The following USF3 variants were observed in gnomAD, a reference collection of about 807,000 sequenced individuals.
USF3 encodes the protein upstream transcription factor family member 3, also known as basic helix-loop-helix domain-containing protein USF3.
USF3 carries 29 observed loss-of-function variants against 157.5 expected under a neutral mutation model. The ratio of observed to expected loss-of-function variants is 0.18; its 90% confidence interval spans 0.14 to 0.25. USF3 has a LOEUF of 0.25. Among genes scored for constraint, USF3 ranks in the 10% least tolerant of loss-of-function variants. The pLI is 1.00. For synonymous variants in USF3, 893 were observed against 941.4 expected, an observed-to-expected ratio of 0.95 and a Z score of 0.94; for missense variants, 2,381 against 2,667.6, an observed-to-expected ratio of 0.89 and a Z score of 2.37.
intron 5 of USF3, among the ~76,000 whole-genome samples, chr3:113,664,796 C>T (rs1947538738): frequency 6.6e-6 from 1 of 152,140 alleles, no homozygotes; most frequent in Admixed American, 6.5e-5. Context: ...TATGTCTAAA[C>T]CCTTATCCCC....
At position 113,649,374 on chromosome 3, in the gene USF3, G is replaced by T; in HGVS notation, c.*5570C>A. ...ACCCAAGTTGGCTCACGTTTATGAA[G>T]CATCTGACCACATACGCGTGCCAGA... On this transcript the variant is annotated 3_prime_UTR_variant, in exon 7 of 7. Coordinates refer to ENST00000316407, the MANE Select transcript of USF3 (RefSeq NM_001009899.4). 6.5e-6 allele frequency: 1 copy of T among 154,768 alleles called. No individual in the cohort carries two copies. Among genetic ancestry groups the T allele is most frequent in the Middle Eastern group, 3.3e-3 (1 of 304 alleles). 9.6% of individuals were successfully genotyped at this position (154,768 alleles called of 1,614,324 possible). A position where few individuals can be genotyped will look rare whatever the true frequency, so the allele number is the denominator to read the frequency against.
intron 5 of USF3, 59 bp from the exon 6 acceptor site, chr3:113,664,468 TG>T: frequency 1.1e-6 from 1 of 887,072 alleles, no homozygotes; most frequent in Non-Finnish European, 1.8e-6. Context: ...ACTTGCCAGA[TG>T]AAACTTTAAG....
intron 1 of USF3, among the ~76,000 whole-genome samples, chr3:113,682,959 T>TC: frequency 6.6e-6 from 1 of 151,646 alleles, no homozygotes; most frequent in African/African-American, 2.4e-5. Context: ...AGCATTTAGC[T>TC]CATTTACATT....
chr3:113,680,053 C>CTTTTTTTTTTTTTTTTTTTTT (rs71131103), intron 1 of USF3, among the ~76,000 whole-genome samples: 15 of 58,636 alleles, frequency 2.6e-4, no homozygotes, highest in Admixed American at 4.9e-4. Flanking sequence ...CTGTAGTTTT[C>CTTTTTTTTTTTTTTTTTTTTT]TTTTTTTTTT....
chr3:113,682,275 T>C (rs1707450586), intron 1 of USF3, among the ~76,000 whole-genome samples: 1 of 151,898 alleles, frequency 6.6e-6, no homozygotes, highest in African/African-American at 2.4e-5. Flanking sequence ...CAGTGAGCCA[T>C]GATCGTGCCA....
At chr3:113,692,771 AAAGATCTGGCCTTCTG>A (rs1707712505) in intron 1 of USF3, among the ~76,000 whole-genome samples, 1 of 152,216 alleles carries the variant, frequency 6.6e-6, no homozygotes, top group East Asian at 1.9e-4. Flanking sequence ...GATCTAATTA[AAAGATCTGGCCTTCTG>A]AAGTAGTGCA....
rs750257025 is a variant in USF3, at chr3:113,655,995, G to C, written c.5687C>G (p.Pro1896Arg). The change falls in exon 7 of 7, where the codon CCT becomes CGT. Residue 1896 changes from proline (P) to arginine (R), a missense_variant. Transcript: ENST00000316407. ...INTRNSTLNI[P>R]FSSSSSSGDI... The stretch of plus-strand genomic sequence containing the variant: ...TCCTGAGGAAGAGGAACTTGAAAAA[G>C]GAATATTCAAGGTGCTGTTCCTGGT... 5 of 1,614,104 alleles carry C rather than the reference G, an allele frequency of 3.1e-6. No homozygotes were observed. In the Admixed American group the frequency reaches 6.7e-5, roughly 22 times the overall value.
In USF3 at chr3:113,654,856, C is replaced by T. The variant is rs908132713; in HGVS notation, c.*88G>A. On this transcript the variant is annotated 3_prime_UTR_variant, in exon 7 of 7. Coordinates refer to ENST00000316407, the MANE Select transcript of USF3 (RefSeq NM_001009899.4). The stretch of plus-strand genomic sequence containing the variant: ...GATTATACAGACACACACACACAAT[C>T]CTTCTCTTCATGTACATGTCTGTGC... The T allele has an allele frequency of 5.0e-5, 69 of 1,388,602 alleles. No individual in the cohort carries two copies. The African/African-American group carries it at 8.8e-4, about 18-fold the overall frequency. 86.0% of individuals were successfully genotyped at this position (1,388,602 alleles called of 1,614,324 possible). A position where few individuals can be genotyped will look rare whatever the true frequency, so the allele number is the denominator to read the frequency against.
chr3:113,660,341 G>A lies in USF3; in HGVS notation c.1341C>T (p.Ser447=), dbSNP rs924614706. 2 of 1,614,190 alleles carry A rather than the reference G, an allele frequency of 1.2e-6. No individual in the cohort carries two copies. Among genetic ancestry groups the A allele is most frequent in the Non-Finnish European group, 1.7e-6 (2 of 1,180,030 alleles). The change falls in exon 7 of 7, where the codon AGC becomes AGT. Residue 447 remains serine (S), a synonymous_variant. Transcript: ENST00000316407. ...GAGTCACAGCAGAAGATGGTGTCTG[G>A]CTTAAGGGCTGAATAGTGTTTCCTG... ...QLAGNTIQPL[S]QTPSSAVTPV...
In USF3 at chr3:113,672,748, C is replaced by A. The variant is rs952485587; in HGVS notation, c.76+600G>T. On this transcript the variant is annotated intron_variant, in intron 4 of 6. Coordinates refer to ENST00000316407, the MANE Select transcript of USF3 (RefSeq NM_001009899.4). ...TACTTTTCCATAGATAAAATTTTCC[C>A]AAGGGTCCTTTCCTTAGACAAAGGA... 2.0e-5 allele frequency among the ~76,000 whole-genome samples: 3 copies of A among 152,138 alleles called. No homozygotes were observed. In the East Asian group the frequency reaches 5.8e-4, roughly 29 times the overall value.
At chr3:113,686,472 T>C (rs959402249) in intron 1 of USF3, among the ~76,000 whole-genome samples, 2 of 152,228 alleles carry the variant, frequency 1.3e-5, no homozygotes, top group African/African-American at 4.8e-5. Context: ...GTTTTCTTTG[T>C]ACAGACAGGG....
chr3:113,663,131 C>T (rs1370391572), intron 6 of USF3, among the ~76,000 whole-genome samples: 2 of 151,352 alleles, frequency 1.3e-5, no homozygotes, highest in Non-Finnish European at 2.9e-5. Context: ...GAAAAAGAAC[C>T]AGAGAAATAA....
At chr3:113,674,998 T>A (rs1707244747) in intron 2 of USF3, 102 bp from the exon 3 acceptor site, 1 of 741,608 alleles carries the variant, frequency 1.3e-6, no homozygotes, top group Non-Finnish European at 2.5e-6. Flanking sequence ...TGCTAAAAAA[T>A]AAAATTGACA....
intron 1 of USF3, among the ~76,000 whole-genome samples, chr3:113,684,355 G>A (rs1172721654): frequency 6.6e-6 from 1 of 151,650 alleles, no homozygotes; most frequent in Non-Finnish European, 1.5e-5. Flanking sequence ...AATTTTTCTT[G>A]ATCGTCTATA....
At chr3:113,679,411 CTTTTT>C (rs34641216) in intron 1 of USF3, among the ~76,000 whole-genome samples, 2 of 118,038 alleles carry the variant, frequency 1.7e-5, no homozygotes. Flanking sequence ...AGAGAAAGTT[CTTTTT>C]TTTTTTTTTT....
At position 113,651,168 on chromosome 3, in the gene USF3, CTG is replaced by C. The variant is rs1947254963; in HGVS notation, c.*3774_*3775del. 6.6e-6 allele frequency: 1 copy of C among 152,166 alleles called. No individual in the cohort carries two copies. The highest frequency in any genetic ancestry group is 6.5e-5 in the Admixed American group (1 of 15,276). 9.4% of individuals were successfully genotyped at this position (152,166 alleles called of 1,614,324 possible). On this transcript the variant is annotated 3_prime_UTR_variant, in exon 7 of 7. Coordinates refer to ENST00000316407, the MANE Select transcript of USF3 (RefSeq NM_001009899.4). The stretch of plus-strand genomic sequence containing the variant: ...AATCAACCACTTTTTATAACGGACT[CTG>C]TGATCAATAATGCTAAAAAAGAGAC...
chr3:113,649,774 G>A lies in USF3; in HGVS notation c.*5170C>T, dbSNP rs1947228934. The A allele has an allele frequency of 1.4e-6, 1 of 701,032 alleles. No homozygotes were observed. The highest frequency in any genetic ancestry group is 2.6e-6 in the Non-Finnish European group (1 of 384,310). The allele number at this position is 701,032 out of a possible 1,614,324, so 43.4% of individuals were successfully genotyped here. ...GATCTAGAAGCTCTGTGTCCAACAAGGTCCTCACGCTTCTTATCAGCATGG... is the reference window on the plus strand; with the variant it reads ...GATCTAGAAGCTCTGTGTCCAACAAAGTCCTCACGCTTCTTATCAGCATGG... On this transcript the variant is annotated 3_prime_UTR_variant, in exon 7 of 7. Transcript: ENST00000316407.
At chr3:113,672,643 AC>A (rs1422265016) in intron 4 of USF3, among the ~76,000 whole-genome samples, 1 of 152,108 alleles carries the variant, frequency 6.6e-6, no homozygotes, top group East Asian at 1.9e-4. Flanking sequence ...AAGACTTTTT[AC>A]CCCCTGCAGA....
rs776448192 is a variant in USF3, at chr3:113,653,053, C to CA, written c.*1890dup. On this transcript the variant is annotated 3_prime_UTR_variant, in exon 7 of 7. Transcript: ENST00000316407. ...CACTCCAGCCTGGGTGACAGAGTCT[C>CA]AAAAAAAAAAGAAAAGAAGAAAGAA... 8.4e-3 allele frequency: 2,510 copies of CA among 299,024 alleles called. No individual in the cohort carries two copies. The highest frequency in any genetic ancestry group is 0.014 in the East Asian group (174 of 12,358). 18.5% of individuals were successfully genotyped at this position (299,024 alleles called of 1,614,324 possible).
Sources: allele counts gnomAD v4.1 joint callset (sites outside exome capture counted in the v4.1 genomes callset), GRCh38; gene constraint gnomAD v4.1.1; transcripts MANE v1.5; gene names NCBI Gene and HGNC (gene_info 2026-07-23, HGNC 2026-07-21).